OPHN1: variants seen among roughly 807,000 people sequenced by gnomAD.
OPHN1 encodes oligophrenin-1.
In OPHN1, 11 loss-of-function variants were observed where a neutral mutation model predicts 60.7. The ratio of observed to expected loss-of-function variants is 0.18; its 90% CI spans 0.11 to 0.30. The LOEUF is 0.30. Among genes scored for constraint, OPHN1 ranks in the 10% least tolerant of loss-of-function variants. The pLI is 1.00. For synonymous variants in OPHN1, 226 were observed against 222.6 expected, an observed-to-expected ratio of 1.02 and a Z score of -0.14; for missense variants, 449 against 611.0, an observed-to-expected ratio of 0.73 and a Z score of 2.80.
chrX:68,317,543 G>A (rs200057401), intron 2 of OPHN1, among the ~76,000 whole-genome samples: 8 of 40,245 alleles, frequency 2.0e-4, no homozygotes, highest in African/African-American at 7.2e-4. Context: ...AAGAAAAAAA[G>A]AAAGAAAGAA....
At chrX:68,362,275 A>G (rs188716881) in intron 2 of OPHN1, among the ~76,000 whole-genome samples, 1 of 111,704 alleles carries the variant, frequency 9.0e-6, no homozygotes, top group East Asian at 2.8e-4. Flanking sequence ...CAGGCACAGG[A>G]AGTGAAAACT....
At chrX:68,194,050 A>G (rs2077500554) in intron 13 of OPHN1, 98 bp from the exon 14 acceptor site, 1 of 732,060 alleles carries the variant, frequency 1.4e-6, no homozygotes, top group African/African-American at 2.1e-5. Context: ...GAGAGAGCTA[A>G]GGGTTTTTAG....
chrX:68,243,381 T>C (rs908155558), intron 5 of OPHN1, among the ~76,000 whole-genome samples: 1 of 111,510 alleles, frequency 9.0e-6, no homozygotes, highest in South Asian at 3.8e-4. Flanking sequence ...TGTTGTTATA[T>C]GTATTTTATT....
At chrX:68,125,297 C>A (rs936822015) in intron 15 of OPHN1, among the ~76,000 whole-genome samples, 1 of 110,960 alleles carries the variant, frequency 9.0e-6, no homozygotes, top group African/African-American at 3.3e-5. Flanking sequence ...AAAGCAAGAG[C>A]AAACCAAATC....
chrX:68,235,983 T>C (rs1009636703), intron 5 of OPHN1, among the ~76,000 whole-genome samples: 1 of 110,363 alleles, frequency 9.1e-6, no homozygotes, highest in Non-Finnish European at 1.9e-5. Flanking sequence ...GGCACTATGA[T>C]AGACACTTAA....
chrX:68,156,209 C>A (rs190058668), intron 15 of OPHN1, among the ~76,000 whole-genome samples: 8 of 108,656 alleles, frequency 7.4e-5, no homozygotes, highest in African/African-American at 2.7e-4. Context: ...AGAAAAAAAT[C>A]TTTTGGCAAC....
At chrX:68,375,572 T>G (rs1353222534) in intron 2 of OPHN1, among the ~76,000 whole-genome samples, 2 of 111,042 alleles carry the variant, frequency 1.8e-5, no homozygotes, top group Non-Finnish European at 3.8e-5. Context: ...CCAGGAACTG[T>G]CTCCGCTTTT....
chrX:68,197,308 T>C lies in OPHN1; in HGVS notation c.1026-44A>G, dbSNP rs750537512. The C allele has an allele frequency of 1.9e-5, 19 of 1,020,793 alleles. No individual in the cohort carries two copies. The African/African-American group carries it at 3.6e-4, about 19-fold the overall frequency. The allele number at this position is 1,020,793 out of a possible 1,213,427, so 84.1% of individuals were successfully genotyped here. A position where few individuals can be genotyped will look rare whatever the true frequency, so the allele number is the denominator to read the frequency against. Reference sequence around the variant, plus strand: ...GTAAGTATAAAGCAGAAAATTCAACTGAGAGAATGGAGTCTTGTGATCTAG... The same window carrying C: ...GTAAGTATAAAGCAGAAAATTCAACCGAGAGAATGGAGTCTTGTGATCTAG... On this transcript the variant is annotated intron_variant, in intron 11 of 24. Coordinates refer to ENST00000355520, the MANE Select transcript of OPHN1 (RefSeq NM_002547.3).
At chrX:68,214,117 T>C (rs1486455128) in intron 6 of OPHN1, 145 bp from the exon 7 acceptor site, 1 of 472,450 alleles carries the variant, frequency 2.1e-6, no homozygotes, top group Admixed American at 3.2e-5. Context: ...ATAGAGAACC[T>C]AAAGCCAAGA....
At chrX:68,255,726 CACACACACACACAA>C (rs1411131454) in intron 5 of OPHN1, among the ~76,000 whole-genome samples, 1 of 108,608 alleles carries the variant, frequency 9.2e-6, no homozygotes, top group Non-Finnish European at 1.9e-5. Flanking sequence ...GCTCTACATA[CACACACACACACAA>C]ACACACACAC....
At chrX:68,200,764 T>G (rs893745691) in intron 11 of OPHN1, among the ~76,000 whole-genome samples, 2 of 112,101 alleles carry the variant, frequency 1.8e-5, no homozygotes, top group Non-Finnish European at 3.8e-5. Context: ...GCTAGTTTTG[T>G]TCACATGATA....
At chrX:68,301,445 CAA>C (rs56927719) in intron 2 of OPHN1, among the ~76,000 whole-genome samples, 1,780 of 35,352 alleles carry the variant, frequency 0.05, 42 homozygotes, top group African/African-American at 0.14. Flanking sequence ...GACTCCATCT[CAA>C]AAAAAAAAAA....
intron 2 of OPHN1, among the ~76,000 whole-genome samples, chrX:68,341,081 A>T (rs1260136592): frequency 9.0e-6 from 1 of 110,797 alleles, no homozygotes; most frequent in Non-Finnish European, 1.9e-5. Context: ...TACTGCAAAA[A>T]AAAAAAAAAT....
At chrX:68,258,414 A>ACCCCCCCCCCCCCCCCCCCCC (rs1429098319) in intron 5 of OPHN1, among the ~76,000 whole-genome samples, 1 of 13,948 alleles carries the variant, frequency 7.2e-5, no homozygotes, top group Non-Finnish European at 9.9e-5. Flanking sequence ...CCCTCCTCCA[A>ACCCCCCCCCCCCCCCCCCCCC]CCCCCCACCC....
At chrX:68,368,687 G>A (rs1803919956) in intron 2 of OPHN1, among the ~76,000 whole-genome samples, 1 of 111,936 alleles carries the variant, frequency 8.9e-6, no homozygotes, top group Non-Finnish European at 1.9e-5. Flanking sequence ...GCTAAGTGCT[G>A]AAGGAGTACC....
At chrX:68,338,632 A>G (rs756429864) in intron 2 of OPHN1, among the ~76,000 whole-genome samples, 32 of 112,215 alleles carry the variant, frequency 2.9e-4, no homozygotes, top group Non-Finnish European at 5.6e-4. Flanking sequence ...ACTAACCACA[A>G]GAAAATAAGT....
At chrX:68,406,216 TAAAAC>T (rs992579431) in intron 2 of OPHN1, among the ~76,000 whole-genome samples, 1 of 110,001 alleles carries the variant, frequency 9.1e-6, no homozygotes, top group Non-Finnish European at 1.9e-5. Flanking sequence ...GGTCAGAAAA[TAAAAC>T]AGATATTATT....
Position 68,270,053 on chromosome X carries a change from C to G in OPHN1, c.384+4685G>C, listed in dbSNP as rs771202175. 2.3e-4 allele frequency among the ~76,000 whole-genome samples: 26 copies of G among 111,101 alleles called. No homozygotes were observed. In the East Asian group the frequency reaches 6.9e-3, roughly 29 times the overall value. On this transcript the variant is annotated intron_variant, in intron 5 of 24. Transcript: ENST00000355520. ...ACCACAATGAGATACCATCTCACAC[C>G]AGTTAGAATGGCAATCATTAAAAAG...
chrX:68,308,146 T>C (rs1444816015), intron 2 of OPHN1, among the ~76,000 whole-genome samples: 2 of 112,017 alleles, frequency 1.8e-5, no homozygotes, highest in Non-Finnish European at 3.8e-5. Flanking sequence ...TCCCTGGGCC[T>C]CAATTAATCA....
Sources: allele counts gnomAD v4.1 joint callset (sites outside exome capture counted in the v4.1 genomes callset), GRCh38; gene constraint gnomAD v4.1.1; transcripts MANE v1.5; gene names NCBI Gene and HGNC (gene_info 2026-07-23, HGNC 2026-07-21).